ZDHHC7: variants seen among roughly 807,000 people sequenced by gnomAD.
ZDHHC7 encodes palmitoyltransferase ZDHHC7.
In ZDHHC7, 12 loss-of-function variants were observed where a neutral mutation model predicts 34.1. The observed-to-expected ratio is 0.35, with a 90% CI of 0.23 to 0.57. The LOEUF is 0.57. ZDHHC7 is among the 20% of genes least tolerant of loss of function. The probability of loss-of-function intolerance (pLI) is 0.84; values close to 1 mark genes in which losing one functional copy is unlikely to be tolerated. For synonymous variants in ZDHHC7, 185 were observed against 155.4 expected (o/e 1.19, Z -1.42); for missense variants, 388 against 402.7 (o/e 0.96, Z 0.31).
In ZDHHC7 at chr16:84,977,749, A is replaced by T. The variant is rs2072316852; in HGVS notation, c.619+175T>A. 2.0e-5 allele frequency among the ~76,000 whole-genome samples: 3 copies of T among 152,386 alleles called. No individual in the cohort carries two copies. In the Middle Eastern group the frequency reaches 0.01, roughly 518 times the overall value. ...ACAGACACAAGCTTTTGGGGCAACA[A>T]TATACTAGTAAAATGGTGGTGTTAA... On this transcript the variant is annotated intron_variant, in intron 6 of 7. Transcript: ENST00000313732.
At chr16:85,011,100 G>C (rs534865019) in intron 1 of ZDHHC7, among the ~76,000 whole-genome samples, 186 bp downstream of exon 1, 60 of 152,336 alleles carry the variant, frequency 3.9e-4, no homozygotes, top group East Asian at 1.2e-3. Flanking sequence ...AATGACAAGG[G>C]GGCACCTGGA....
At chr16:84,992,417 G>A (rs1240629995) in intron 2 of ZDHHC7, among the ~76,000 whole-genome samples, 1 of 152,160 alleles carries the variant, frequency 6.6e-6, no homozygotes, top group African/African-American at 2.4e-5. Flanking sequence ...AGGTTGCAGT[G>A]AGCCGAGATC....
At chr16:84,996,034 A>G (rs1229450237) in intron 1 of ZDHHC7, 27 bp from the exon 2 acceptor site, 1 of 152,214 alleles carries the variant, frequency 6.6e-6, no homozygotes, top group African/African-American at 2.4e-5. Flanking sequence ...TCTGATTAGA[A>G]AAAGTGATTT....
At chr16:84,990,113 T>C (rs1186412367) in intron 3 of ZDHHC7, among the ~76,000 whole-genome samples, 191 bp downstream of exon 3, 2 of 152,200 alleles carry the variant, frequency 1.3e-5, no homozygotes, top group African/African-American at 4.8e-5. Flanking sequence ...GGTATTTCAC[T>C]GCGCTAGGTC....
At chr16:84,996,900 G>A (rs1371683878) in intron 1 of ZDHHC7, among the ~76,000 whole-genome samples, 1 of 151,908 alleles carries the variant, frequency 6.6e-6, no homozygotes, top group African/African-American at 2.4e-5. Flanking sequence ...GGTGGTGGGC[G>A]CTTGTAATCC....
chr16:84,989,278 G>C (rs757494165), intron 3 of ZDHHC7, among the ~76,000 whole-genome samples: 1 of 152,154 alleles, frequency 6.6e-6, no homozygotes, highest in Non-Finnish European at 1.5e-5. Context: ...ACCTCTACTA[G>C]TAAAACAGGA....
chr16:85,000,308 G>C (rs1324756034), intron 1 of ZDHHC7, among the ~76,000 whole-genome samples: 1 of 152,122 alleles, frequency 6.6e-6, no homozygotes, highest in Non-Finnish European at 1.5e-5. Flanking sequence ...TTTTCTTCCT[G>C]GATAACCCGC....
At chr16:85,018,295 C>T in the ZDHHC7 span, among the ~76,000 whole-genome samples, 2 of 152,034 alleles carry the variant, frequency 1.3e-5, no homozygotes, top group African/African-American at 4.8e-5. Context: ...AACTGATCTT[C>T]GGTGTAGGAA....
At chr16:85,025,391 C>G in the ZDHHC7 span, among the ~76,000 whole-genome samples, 1 of 150,574 alleles carries the variant, frequency 6.6e-6, no homozygotes, top group Non-Finnish European at 1.5e-5. Context: ...ACCCCAGAGC[C>G]TTTTATGTCT....
the ZDHHC7 span, among the ~76,000 whole-genome samples, chr16:85,025,495 G>A: frequency 6.6e-6 from 1 of 152,002 alleles, no homozygotes; most frequent in Non-Finnish European, 1.5e-5. Flanking sequence ...TGCAACCTCT[G>A]CCTCCCAGGT....
chr16:85,004,263 T>C (rs1597562160), intron 1 of ZDHHC7, among the ~76,000 whole-genome samples: 1 of 151,926 alleles, frequency 6.6e-6, no homozygotes, highest in African/African-American at 2.4e-5. Flanking sequence ...CAGCAAGTCC[T>C]ATGGGGTGCA....
chr16:84,991,661 G>A (rs1356242565), intron 2 of ZDHHC7, among the ~76,000 whole-genome samples: 2 of 151,372 alleles, frequency 1.3e-5, no homozygotes, highest in Non-Finnish European at 2.9e-5. Context: ...GCCCAAGCTG[G>A]AGTGCAGTGG....
the ZDHHC7 span, among the ~76,000 whole-genome samples, chr16:85,019,033 T>C: frequency 6.6e-6 from 1 of 152,106 alleles, no homozygotes. Flanking sequence ...GAATTGGAGG[T>C]AGGGTGCTTG....
chr16:85,024,666 TATCCAGAAACGACCCTCCTTGTTCTG>T, the ZDHHC7 span, among the ~76,000 whole-genome samples: 2 of 143,080 alleles, frequency 1.4e-5, no homozygotes, highest in African/African-American at 6.1e-5. Context: ...TTTCCCTGCC[TATCCAGAAACGACCCTCCTTGTTCTG>T]GCCAGACCAC....
chr16:85,015,665 T>TAATGAC (rs1320825783), upstream of ZDHHC7, among the ~76,000 whole-genome samples: 2 of 152,124 alleles, frequency 1.3e-5, no homozygotes, highest in East Asian at 3.9e-4. Context: ...CTGAGAAATG[T>TAATGAC]AATGACACCC....
At chr16:85,015,456 G>A (rs1296542862), upstream of ZDHHC7, among the ~76,000 whole-genome samples, 1 of 152,036 alleles carries the variant, frequency 6.6e-6, no homozygotes, top group African/African-American at 2.4e-5. Flanking sequence ...ATTATCTCCT[G>A]GATCAAGAAA....
At chr16:84,998,210 G>A (rs1318709974) in intron 1 of ZDHHC7, among the ~76,000 whole-genome samples, 2 of 149,608 alleles carry the variant, frequency 1.3e-5, no homozygotes, top group Non-Finnish European at 3.0e-5. Context: ...TTTGCAGTGA[G>A]CCGAGATCGC....
Position 84,990,585 on chromosome 16 carries a change from C to A in ZDHHC7, c.34G>T (p.Glu12Ter). The A allele has an allele frequency of 6.2e-7, 1 of 1,613,962 alleles. No homozygotes were observed. ...QPSGHRLRDV[E>*]HHPLLAENDN... The stretch of plus-strand genomic sequence containing the variant: ...TTTTCAGCCAGGAGAGGATGATGCT[C>A]GACGTCCCGGAGCCTGTGTCCTGAT... The change falls in exon 3 of 8, where the codon GAG becomes TAG. Residue 12 changes from glutamate (E) to a stop codon, truncating the protein, a stop_gained. Transcript: ENST00000313732. LOFTEE classifies it high-confidence loss of function.
rs571224402 is a variant in ZDHHC7, at chr16:84,980,016, GCAATCT to G, written c.441-737_441-732del. Among the ~76,000 whole-genome samples the G allele has an allele frequency of 5.3e-3, 728 of 137,616 alleles. 6 individuals carry two copies. The highest frequency in any genetic ancestry group is 0.019 in the African/African-American group (697 of 36,140). The allele number at this position is 137,616 out of a possible 152,430, so 90.3% of individuals were successfully genotyped here. ...GTCGCCCAGGCTGGAGTGCAGTGGCGCAATCTCAATCTCAGCTCCCTGCAAGCTCTG... is the reference window on the plus strand; with the variant it reads ...GTCGCCCAGGCTGGAGTGCAGTGGCGCAATCTCAGCTCCCTGCAAGCTCTG... On this transcript the variant is annotated intron_variant, in intron 4 of 7. Transcript: ENST00000313732.
Sources: allele counts gnomAD v4.1 joint callset (sites outside exome capture counted in the v4.1 genomes callset), GRCh38; gene constraint gnomAD v4.1.1; transcripts MANE v1.5; gene names NCBI Gene and HGNC (gene_info 2026-07-23, HGNC 2026-07-21).